The following GOSR1 variants were observed in gnomAD, a reference collection of about 807,000 sequenced individuals.
GOSR1 encodes the protein golgi SNAP receptor complex member 1.
GOSR1 carries 21 observed loss-of-function variants against 35.5 expected under a neutral mutation model. The ratio of observed to expected loss-of-function variants is 0.59; its 90% CI spans 0.42 to 0.85. GOSR1 has a LOEUF of 0.85. Among genes scored for constraint, GOSR1 ranks in the 40% least tolerant of loss-of-function variants. The probability of loss-of-function intolerance (pLI) is 0.00; values close to 1 mark genes in which losing one functional copy is unlikely to be tolerated. For synonymous variants in GOSR1, 94 were observed against 106.6 expected (o/e 0.88, Z 0.73); for missense variants, 285 against 309.6 (o/e 0.92, Z 0.60).
chr17:30,488,355 G>A (rs1324113053), intron 4 of GOSR1, among the ~76,000 whole-genome samples: 6 of 151,218 alleles, frequency 4.0e-5, no homozygotes, highest in African/African-American at 1.5e-4. Context: ...TAGTAGAGAT[G>A]GGGTTTCACC....
At position 30,524,026 on chromosome 17, in the gene GOSR1, C is replaced by G. The variant is rs376267991; in HGVS notation, c.*1648C>G. 6.7e-4 allele frequency: 119 copies of G among 176,948 alleles called. 2 individuals are homozygous for G. The East Asian group carries it at 0.016, about 24-fold the overall frequency. The allele number at this position is 176,948 out of a possible 1,614,324, so 11.0% of individuals were successfully genotyped here. A position where few individuals can be genotyped will look rare whatever the true frequency, so the allele number is the denominator to read the frequency against. On this transcript the variant is annotated 3_prime_UTR_variant, in exon 9 of 9. Coordinates refer to ENST00000451249, the MANE Select transcript of GOSR1 (RefSeq NM_001007025.2). ...ACAGATGCTTGAAGGCAGCATGCTC[C>G]TTAAGAGTCATCACCACTCCCTAAT...
rs370108879 is a variant in GOSR1 at position 30,522,369 on chromosome 17, G to A, written c.738G>A (p.Ala246=). The part of the protein sequence containing the change: ...GICTILLLLY[A]FH ...GTACCATCCTGTTGCTGCTGTATGC[G>A]TTCCATTGATGGGACATCTTCAGGG... The change falls in exon 9 of 9, where the codon GCG becomes GCA. Residue 246 remains alanine, a synonymous_variant. Transcript: ENST00000451249. 88 of 1,579,888 alleles carry A rather than the reference G, an allele frequency of 5.6e-5. No homozygotes were observed. Among genetic ancestry groups the A allele is most frequent in the East Asian group, 2.5e-4 (11 of 43,276 alleles).
intron 5 of GOSR1, among the ~76,000 whole-genome samples, chr17:30,490,860 C>T (rs756991480): frequency 9.9e-5 from 15 of 152,088 alleles, no homozygotes; most frequent in Admixed American, 6.6e-5. Flanking sequence ...TACAACTGAA[C>T]ACTACTGACA....
At chr17:30,507,701 C>T (rs1011699330) in intron 6 of GOSR1, among the ~76,000 whole-genome samples, 34 of 142,806 alleles carry the variant, frequency 2.4e-4, no homozygotes, top group African/African-American at 8.6e-4. Context: ...CCAGCCAGGG[C>T]GACACAGCAA....
chr17:30,499,017 G>GT (rs922670075), intron 6 of GOSR1, among the ~76,000 whole-genome samples: 2 of 152,102 alleles, frequency 1.3e-5, no homozygotes, highest in Non-Finnish European at 2.9e-5. Context: ...GTCAGTCCCC[G>GT]TCCCTCAGTC....
Position 30,527,285 on chromosome 17 carries a change from T to G in GOSR1, c.*4907T>G, listed in dbSNP as rs1291346989. On this transcript the variant is annotated 3_prime_UTR_variant, in exon 9 of 9. Transcript: ENST00000451249. Reference sequence around the variant, plus strand: ...GTAGGAGGATCATGAGCCCAGGAGGTCAAGGCTGCAGTAAGCAACGATTGT... The same window carrying G: ...GTAGGAGGATCATGAGCCCAGGAGGGCAAGGCTGCAGTAAGCAACGATTGT... 1 of 152,068 alleles carries G rather than the reference T, an allele frequency of 6.6e-6. No individual in the cohort carries two copies. Among genetic ancestry groups the G allele is most frequent in the Non-Finnish European group, 1.5e-5 (1 of 68,006 alleles). 9.4% of individuals were successfully genotyped at this position (152,068 alleles called of 1,614,324 possible).
At chr17:30,480,786 C>T (rs1203412135) in intron 1 of GOSR1, 1 of 154,400 alleles carries the variant, frequency 6.5e-6, no homozygotes, top group Non-Finnish European at 1.4e-5. Flanking sequence ...AATCTTGGCT[C>T]ACCGCAACCT....
chr17:30,495,862 C>G (rs1289940551), intron 6 of GOSR1, among the ~76,000 whole-genome samples: 1 of 152,240 alleles, frequency 6.6e-6, no homozygotes, highest in Non-Finnish European at 1.5e-5. Context: ...ACTAGTCATA[C>G]AGATTAACTC....
At chr17:30,479,164 A>G (rs1171316248) in intron 1 of GOSR1, 1 of 152,278 alleles carries the variant, frequency 6.6e-6, no homozygotes, top group East Asian at 1.9e-4. Flanking sequence ...CACTATGTTA[A>G]CTACGCTTTC....
chr17:30,511,299 A>G (rs758971640), intron 7 of GOSR1, among the ~76,000 whole-genome samples: 7 of 152,224 alleles, frequency 4.6e-5, no homozygotes, highest in Non-Finnish European at 1.0e-4. Context: ...TACTGCAGTA[A>G]TAGTTCATAG....
intron 6 of GOSR1, chr17:30,510,654 C>T (rs931010303): frequency 3.0e-5 from 9 of 303,296 alleles, no homozygotes; most frequent in Non-Finnish European, 5.1e-5. Flanking sequence ...GCGGCAGCTG[C>T]AGTGAGTTGA....
chr17:30,490,345 A>C, intron 5 of GOSR1, 128 bp downstream of exon 5: 1 of 564,756 alleles, frequency 1.8e-6, no homozygotes, highest in Non-Finnish European at 3.3e-6. Context: ...TTCCCATTTC[A>C]CTGTCTTTTT....
At chr17:30,509,492 C>G (rs1967537173) in intron 6 of GOSR1, among the ~76,000 whole-genome samples, 1 of 152,168 alleles carries the variant, frequency 6.6e-6, no homozygotes, top group African/African-American at 2.4e-5. Flanking sequence ...TATAATGAAA[C>G]CTTGACTTCG....
At chr17:30,477,491 G>A in intron 1 of GOSR1, 27 bp downstream of exon 1, 1 of 1,604,468 alleles carries the variant, frequency 6.2e-7, no homozygotes, top group Non-Finnish European at 8.5e-7. Flanking sequence ...CTCCGGGTGC[G>A]TCCTACGAGG....
intron 8 of GOSR1, among the ~76,000 whole-genome samples, chr17:30,521,395 C>T (rs895458764): frequency 6.6e-6 from 1 of 151,536 alleles, no homozygotes; most frequent in South Asian, 2.1e-4. Context: ...GTTGCCCAGG[C>T]GAGTCTCAAA....
intron 6 of GOSR1, among the ~76,000 whole-genome samples, chr17:30,496,611 C>A (rs924056684): frequency 5.3e-5 from 8 of 152,184 alleles, no homozygotes; most frequent in Non-Finnish European, 1.0e-4. Flanking sequence ...TATTTGCCAT[C>A]CACCCTTGCA....
intron 4 of GOSR1, among the ~76,000 whole-genome samples, chr17:30,488,619 T>C (rs1173675598): frequency 6.6e-6 from 1 of 151,524 alleles, no homozygotes; most frequent in Non-Finnish European, 1.5e-5. Context: ...CTGTAACCTC[T>C]GCCTCCCAAG....
chr17:30,487,313 C>T (rs1914739140), intron 4 of GOSR1, among the ~76,000 whole-genome samples: 1 of 151,858 alleles, frequency 6.6e-6, no homozygotes, highest in South Asian at 2.1e-4. Flanking sequence ...GAACAAATTC[C>T]AAATGGATCC....
chr17:30,510,804 G>A (rs192455710), intron 6 of GOSR1, 76 bp from the exon 7 acceptor site: 2 of 788,136 alleles, frequency 2.5e-6, no homozygotes, highest in East Asian at 5.0e-5. Flanking sequence ...AAAGTTTATA[G>A]ATGTAGAAAA....
Sources: gnomAD v4.1 joint callset for allele counts (sites outside exome capture counted in the v4.1 genomes callset) on GRCh38, gnomAD v4.1.1 for gene constraint, MANE v1.5 for transcripts, NCBI Gene and HGNC (gene_info 2026-07-23, HGNC 2026-07-21) for gene names.